SELENOF: variants seen among roughly 807,000 people sequenced by gnomAD.
SELENOF encodes the protein selenoprotein F.
A neutral mutation model predicts 20.5 loss-of-function variants in SELENOF; 16 were observed. That is an observed-to-expected ratio of 0.78 (90% CI 0.53 to 1.19). SELENOF has a LOEUF of 1.19. Among genes scored for constraint, SELENOF ranks in the 50% most tolerant of loss-of-function variants. The pLI is 0.00. For synonymous variants in SELENOF, 78 were observed against 74.5 expected (o/e 1.05, Z -0.24); for missense variants, 215 against 194.2 (o/e 1.11, Z -0.64).
intron 3 of SELENOF, among the ~76,000 whole-genome samples, chr1:86,870,901 G>C (rs901674834): frequency 6.6e-6 from 1 of 152,072 alleles, no homozygotes; most frequent in Non-Finnish European, 1.5e-5. Flanking sequence ...TTACAGGCGT[G>C]AGCCACTGTG....
At chr1:86,869,116 A>G (rs1025185703) in intron 3 of SELENOF, among the ~76,000 whole-genome samples, 1 of 152,200 alleles carries the variant, frequency 6.6e-6, no homozygotes, top group Non-Finnish European at 1.5e-5. Context: ...AGGGACAGGG[A>G]TTTTGCTGGG....
intron 1 of SELENOF, among the ~76,000 whole-genome samples, chr1:86,912,907 G>C (rs1036324799): frequency 2.6e-5 from 4 of 151,838 alleles, no homozygotes; most frequent in African/African-American, 9.7e-5. Flanking sequence ...AAGACAGAGG[G>C]AGATCAAAAA....
chr1:86,900,553 G>C (rs558065735), intron 2 of SELENOF, among the ~76,000 whole-genome samples: 5 of 152,202 alleles, frequency 3.3e-5, no homozygotes, highest in Non-Finnish European at 7.4e-5. Context: ...GTCCAGCTTC[G>C]GCTCGGCATC....
At chr1:86,909,865 C>A (rs112418512) in intron 1 of SELENOF, among the ~76,000 whole-genome samples, 1 of 152,038 alleles carries the variant, frequency 6.6e-6, no homozygotes, top group Non-Finnish European at 1.5e-5. Flanking sequence ...ATTAGCTGGG[C>A]GTGGGGGCGC....
At chr1:86,872,174 G>A (rs1296286151) in intron 3 of SELENOF, among the ~76,000 whole-genome samples, 1 of 152,066 alleles carries the variant, frequency 6.6e-6, no homozygotes, top group East Asian at 1.9e-4. Flanking sequence ...CCACATAAAC[G>A]CAAATATTTA....
At chr1:86,896,779 T>C (rs943530211) in intron 2 of SELENOF, among the ~76,000 whole-genome samples, 1 of 152,228 alleles carries the variant, frequency 6.6e-6, no homozygotes, top group Non-Finnish European at 1.5e-5. Context: ...ACTGCCAACA[T>C]GGAGACAAGT....
intron 2 of SELENOF, among the ~76,000 whole-genome samples, chr1:86,898,580 CTTTTTTTTTTTT>C (rs747362493): frequency 4.9e-4 from 61 of 124,968 alleles, no homozygotes; most frequent in South Asian, 1.0e-3. Context: ...TTCTCTTCTT[CTTTTTTTTTTTT>C]TTTTTTTGAG....
At chr1:86,904,523 T>C (rs975455502) in intron 1 of SELENOF, among the ~76,000 whole-genome samples, 1 of 152,224 alleles carries the variant, frequency 6.6e-6, no homozygotes, top group African/African-American at 2.4e-5. Flanking sequence ...CCAATCCCTC[T>C]ACTTCCTCTT....
intron 3 of SELENOF, among the ~76,000 whole-genome samples, chr1:86,874,639 T>C (rs1658877479): frequency 6.6e-6 from 1 of 150,596 alleles, no homozygotes; most frequent in South Asian, 2.1e-4. Flanking sequence ...AGAAAGAGGG[T>C]ATATGTGGAA....
At chr1:86,889,221 A>C (rs774788510) in intron 2 of SELENOF, among the ~76,000 whole-genome samples, 1 of 152,236 alleles carries the variant, frequency 6.6e-6, no homozygotes, top group Non-Finnish European at 1.5e-5. Context: ...TCATTATGGC[A>C]GCCAAATAAA....
intron 2 of SELENOF, among the ~76,000 whole-genome samples, chr1:86,900,956 G>A (rs1393238118): frequency 6.6e-6 from 1 of 152,174 alleles, no homozygotes; most frequent in Non-Finnish European, 1.5e-5. Context: ...GCAGTGGCAT[G>A]ATCTCAGCTC....
At chr1:86,910,525 G>A (rs187573484) in intron 1 of SELENOF, among the ~76,000 whole-genome samples, 12 of 151,982 alleles carry the variant, frequency 7.9e-5, no homozygotes, top group African/African-American at 2.9e-4. Flanking sequence ...CCAACATGGT[G>A]AAACCCCGTC....
chr1:86,886,275 C>A (rs1254814071), intron 2 of SELENOF, among the ~76,000 whole-genome samples: 1 of 152,068 alleles, frequency 6.6e-6, no homozygotes, highest in Non-Finnish European at 1.5e-5. Context: ...TTGTAATGGG[C>A]AGGCAGGGAT....
chr1:86,899,752 G>A (rs947629088), intron 2 of SELENOF, among the ~76,000 whole-genome samples: 5 of 151,568 alleles, frequency 3.3e-5, no homozygotes, highest in East Asian at 2.0e-4. Context: ...CTTCCCAGAC[G>A]GGGTGGCTGC....
intron 3 of SELENOF, among the ~76,000 whole-genome samples, chr1:86,872,360 T>TTTTTG (rs1444126482): frequency 1.8e-4 from 28 of 152,102 alleles, no homozygotes; most frequent in African/African-American, 6.0e-4. Context: ...TCTGGCTCTT[T>TTTTTG]TTTTGTTTTG....
At position 86,909,617 on chromosome 1, in the gene SELENOF, A is replaced by G. The variant is rs142049165; in HGVS notation, c.84+4411T>C. Among the ~76,000 whole-genome samples the G allele has an allele frequency of 3.8e-3, 576 of 152,356 alleles. 4 individuals carry two copies. Among genetic ancestry groups the G allele is most frequent in the Middle Eastern group, 0.02 (6 of 294 alleles). ...TCTCTTTGGCTACATTCTAATTGGCACGGGGACAGGAGGAGTGGAGGGATA... is the reference window on the plus strand; with the variant it reads ...TCTCTTTGGCTACATTCTAATTGGCGCGGGGACAGGAGGAGTGGAGGGATA... On this transcript the variant is annotated intron_variant, in intron 1 of 4. Coordinates refer to ENST00000331835, the MANE Select transcript of SELENOF (RefSeq NM_004261.5).
intron 2 of SELENOF, among the ~76,000 whole-genome samples, chr1:86,885,892 T>C (rs1238154151): frequency 6.6e-6 from 1 of 152,182 alleles, no homozygotes; most frequent in Non-Finnish European, 1.5e-5. Flanking sequence ...CCAAAAAAAG[T>C]GAAAAGCCTG....
chr1:86,914,398 G>T, upstream of SELENOF: 1 of 476,032 alleles, frequency 2.1e-6, no homozygotes, highest in Non-Finnish European at 3.8e-6. Flanking sequence ...CCACGCCTTC[G>T]CCAGTTTTAG....
chr1:86,882,929 C>G (rs1242474599), intron 2 of SELENOF, among the ~76,000 whole-genome samples: 1 of 125,268 alleles, frequency 8.0e-6, no homozygotes, highest in Non-Finnish European at 1.9e-5. Flanking sequence ...AGTTCGAGAC[C>G]AGCCTGGCCA....
Sources: allele counts gnomAD v4.1 joint callset (sites outside exome capture counted in the v4.1 genomes callset), GRCh38; gene constraint gnomAD v4.1.1; transcripts MANE v1.5; gene names NCBI Gene and HGNC (gene_info 2026-07-23, HGNC 2026-07-21).